Variants in ALLC observed in about 807,000 individuals in gnomAD.
The protein encoded by ALLC is probable inactive allantoicase.
In ALLC, 40 loss-of-function variants were observed where a neutral mutation model predicts 45.0. The observed-to-expected ratio is 0.89, with a 90% CI of 0.69 to 1.16. The LOEUF is 1.16. Ranked by LOEUF, ALLC falls within the 50% of genes most tolerant of loss-of-function variation. ALLC has a pLI of 0.00. For missense variants in ALLC, 488 were observed against 493.1 expected, an observed-to-expected ratio of 0.99 and a Z score of 0.10; for synonymous variants, 176 against 178.1, an observed-to-expected ratio of 0.99 and a Z score of 0.09.
At chr2:3,675,704 A>G (rs1667006703) in intron 3 of ALLC, among the ~76,000 whole-genome samples, 1 of 152,174 alleles carries the variant, frequency 6.6e-6, no homozygotes, top group South Asian at 2.1e-4. Flanking sequence ...AAAAAATAAC[A>G]TTACAGATAA....
intron 1 of ALLC, among the ~76,000 whole-genome samples, chr2:3,670,830 T>G (rs1666846772): frequency 7.3e-6 from 1 of 137,814 alleles, no homozygotes; most frequent in East Asian, 2.0e-4. Flanking sequence ...GCGATAGGGT[T>G]TGTATAGCTA....
the ALLC span, among the ~76,000 whole-genome samples, chr2:3,651,869 C>T: frequency 1.3e-5 from 2 of 152,126 alleles, no homozygotes; most frequent in Non-Finnish European, 2.9e-5. Context: ...GCGCTCTGCC[C>T]ACGCCGTAGA....
At chr2:3,689,637 C>G (rs116283335) in intron 7 of ALLC, among the ~76,000 whole-genome samples, 2 of 150,708 alleles carry the variant, frequency 1.3e-5, no homozygotes, top group African/African-American at 4.9e-5. Flanking sequence ...ATGGCCTATT[C>G]TAGAGAATGT....
the ALLC span, among the ~76,000 whole-genome samples, chr2:3,650,067 G>T: frequency 6.6e-6 from 1 of 152,352 alleles, no homozygotes. Flanking sequence ...CGTCATCTGT[G>T]GGTCTTCACC....
upstream of ALLC, among the ~76,000 whole-genome samples, chr2:3,654,856 CTG>C (rs1213442474): frequency 6.6e-6 from 1 of 152,254 alleles, no homozygotes; most frequent in Non-Finnish European, 1.5e-5. Context: ...GACCGCATGA[CTG>C]TTTTCAGGCG....
In ALLC at chr2:3,683,050, CAT is replaced by C; in HGVS notation, c.490_491del (p.Ile164GlnfsTer14). On this transcript the variant is annotated frameshift_variant, in exon 7 of 12. Coordinates refer to ENST00000252505, the MANE Select transcript of ALLC (RefSeq NM_018436.4). LOFTEE classifies it high-confidence loss of function. ...TGTCAATTCCCAGCAGAGATGGACT[CAT>C]ATCAGACTCAACATTTTCCCAGGTA... Reference protein sequence around the residue: ...FLVNSQQRWTHIRLNIFPDGG... With the variant: ...FLVNSQQRWTXIRLNIFPDGG... 6.2e-7 allele frequency: 1 copy of C among 1,613,818 alleles called. No individual in the cohort carries two copies. Among genetic ancestry groups the C allele is most frequent in the Non-Finnish European group, 8.5e-7 (1 of 1,179,844 alleles).
chr2:3,677,521 G>T (rs1170261932), intron 3 of ALLC, among the ~76,000 whole-genome samples: 1 of 152,232 alleles, frequency 6.6e-6, no homozygotes, highest in African/African-American at 2.4e-5. Flanking sequence ...ATTTAAGGTT[G>T]ACAACAGCCA....
chr2:3,685,567 C>T (rs939648827), intron 7 of ALLC, among the ~76,000 whole-genome samples: 6 of 150,792 alleles, frequency 4.0e-5, no homozygotes, highest in African/African-American at 1.5e-4. Context: ...GGGAAAACCA[C>T]CCCATCATCC....
intron 1 of ALLC, among the ~76,000 whole-genome samples, chr2:3,661,059 A>C (rs1225502620): frequency 6.6e-6 from 1 of 152,178 alleles, no homozygotes; most frequent in African/African-American, 2.4e-5. Flanking sequence ...TTCAAACAGC[A>C]TAGGCCTGGG....
the ALLC span, among the ~76,000 whole-genome samples, chr2:3,651,745 G>C: frequency 6.6e-6 from 1 of 152,174 alleles, no homozygotes; most frequent in East Asian, 2.0e-4. Context: ...CATGCCCGGC[G>C]TTTCTTCAGG....
At chr2:3,645,835 C>T in the ALLC span, among the ~76,000 whole-genome samples, 2 of 151,814 alleles carry the variant, frequency 1.3e-5, no homozygotes, top group Non-Finnish European at 2.9e-5. This position sits in a 1 kb window ranked among gnomAD's most constrained non-coding sequence, Gnocchi z 4.3. Context: ...ATAGAACACA[C>T]GTACATGTAC....
chr2:3,691,444 G>A (rs898463752), intron 7 of ALLC, among the ~76,000 whole-genome samples: 2 of 149,054 alleles, frequency 1.3e-5, no homozygotes, highest in African/African-American at 4.9e-5. Context: ...TTTTTTTTTT[G>A]TAGAAATGGG....
chr2:3,662,706 A>G (rs1666603374), intron 1 of ALLC, among the ~76,000 whole-genome samples: 1 of 152,184 alleles, frequency 6.6e-6, no homozygotes, highest in Non-Finnish European at 1.5e-5. Flanking sequence ...CCTGAGTACA[A>G]TCCATTCTTC....
chr2:3,688,616 G>T, intron 7 of ALLC: 1 of 195,874 alleles, frequency 5.1e-6, no homozygotes, highest in Non-Finnish European at 1.1e-5. Flanking sequence ...ATCAGCAGAG[G>T]GGGCAGAGAT....
upstream of ALLC, among the ~76,000 whole-genome samples, chr2:3,653,705 A>G (rs549185652): frequency 6.6e-6 from 1 of 151,974 alleles, no homozygotes; most frequent in African/African-American, 2.4e-5. This position sits in a 1 kb window ranked among gnomAD's most constrained non-coding sequence, Gnocchi z 4.1. Context: ...GATGACCTCA[A>G]GCTCACCTCG....
At chr2:3,649,739 C>T in the ALLC span, among the ~76,000 whole-genome samples, 2 of 152,248 alleles carry the variant, frequency 1.3e-5, no homozygotes, top group African/African-American at 2.4e-5. Context: ...GGCAACACAC[C>T]CGCACTCACA....
rs1667411533 is a variant in ALLC at position 3,689,249 on chromosome 2, G to A, written c.511+6175G>A. 1.3e-5 allele frequency among the ~76,000 whole-genome samples: 2 copies of A among 150,400 alleles called. 1 individual carries two copies. ...TGATCTTTATTTTTTTCTTCTACTA[G>A]TAATTTTGGGATTGGTTTATACTTG... On this transcript the variant is annotated intron_variant, in intron 7 of 11. Coordinates refer to ENST00000252505, the MANE Select transcript of ALLC (RefSeq NM_018436.4).
chr2:3,657,701 A>G (rs11674266), upstream of ALLC, among the ~76,000 whole-genome samples: 74,136 of 152,242 alleles, frequency 0.49, 21,983 homozygotes, highest in African/African-American at 0.85. Context: ...TGTATGCCAC[A>G]GGCCTAGCAT....
At position 3,702,568 on chromosome 2, in the gene ALLC, CACAAAGCCCCGG is replaced by C; in HGVS notation, c.*6_*17del. ...AGCTTCAAAGCAAACCCTTAACACACACAAAGCCCCGGTGTCGGACACACAGCAGTAATTTCC... is the reference window on the plus strand; with the variant it reads ...AGCTTCAAAGCAAACCCTTAACACACTGTCGGACACACAGCAGTAATTTCC... On this transcript the variant is annotated 3_prime_UTR_variant, in exon 12 of 12. Coordinates refer to ENST00000252505, the MANE Select transcript of ALLC (RefSeq NM_018436.4). The C allele has an allele frequency of 6.5e-7, 1 of 1,541,046 alleles. No individual in the cohort carries two copies. Among genetic ancestry groups the C allele is most frequent in the South Asian group, 1.2e-5 (1 of 81,386 alleles).
Sources: gnomAD v4.1 joint callset for allele counts (sites outside exome capture counted in the v4.1 genomes callset) on GRCh38, gnomAD v4.1.1 for gene constraint, Gnocchi (gnomAD v3.1) non-coding constraint, MANE v1.5 for transcripts, NCBI Gene and HGNC (gene_info 2026-07-23, HGNC 2026-07-21) for gene names.